SYBU: variants seen among roughly 807,000 people sequenced by gnomAD.
SYBU encodes syntabulin, also known as GOLSYN A protein.
Under a neutral mutation model 35.9 loss-of-function variants are expected in SYBU, and 21 were observed. The ratio of observed to expected loss-of-function variants is 0.58; its 90% CI spans 0.41 to 0.84. The LOEUF (loss-of-function observed/expected upper bound fraction) is 0.84. Among genes scored for constraint, SYBU ranks in the 40% least tolerant of loss-of-function variants. The pLI, the probability that SYBU is intolerant of heterozygous loss-of-function variation, is 0.00. For missense variants in SYBU, 768 were observed against 848.2 expected (o/e 0.91, Z 1.17); for synonymous variants, 319 against 324.3 (o/e 0.98, Z 0.18).
intron 1 of SYBU, among the ~76,000 whole-genome samples, chr8:109,651,433 G>A (rs962863194): frequency 4.0e-5 from 6 of 148,462 alleles, no homozygotes; most frequent in African/African-American, 1.5e-4. Context: ...GAGTCTCATA[G>A]GCCTGAAATT....
intron 2 of SYBU, among the ~76,000 whole-genome samples, chr8:109,638,705 AC>A (rs1195939667): frequency 6.6e-6 from 1 of 152,184 alleles, no homozygotes; most frequent in African/African-American, 2.4e-5. Context: ...GACCTCTAAT[AC>A]TGTATAAACT....
intron 2 of SYBU, among the ~76,000 whole-genome samples, chr8:109,632,370 A>C (rs1313602061): frequency 6.6e-6 from 1 of 152,192 alleles, no homozygotes; most frequent in Non-Finnish European, 1.5e-5. Context: ...TCTCTTGAAA[A>C]ACTTATAATA....
chr8:109,644,752 G>T lies in SYBU; in HGVS notation c.-93C>A. On this transcript the variant is annotated 5_prime_UTR_variant, in exon 1 of 7. Coordinates refer to ENST00000276646, the MANE Select transcript of SYBU (RefSeq NM_001099754.2). Reference sequence around the variant, plus strand: ...GGAGCGAGGAGACTGCGCTGAGCCGGCGCGGGCTGCGGGCGGCGGCTCTTG... The same window carrying T: ...GGAGCGAGGAGACTGCGCTGAGCCGTCGCGGGCTGCGGGCGGCGGCTCTTG... 3 of 1,231,178 alleles carry T rather than the reference G, an allele frequency of 2.4e-6. No homozygotes were observed. Among genetic ancestry groups the T allele is most frequent in the Non-Finnish European group, 3.1e-6 (3 of 956,678 alleles). The allele number at this position is 1,231,178 out of a possible 1,614,324, so 76.3% of individuals were successfully genotyped here. A position where few individuals can be genotyped will look rare whatever the true frequency, so the allele number is the denominator to read the frequency against.
intron 1 of SYBU, among the ~76,000 whole-genome samples, chr8:109,658,738 G>A (rs1276457374): frequency 6.6e-6 from 1 of 152,194 alleles, no homozygotes; most frequent in African/African-American, 2.4e-5. Context: ...CAGATCACCT[G>A]AGGTCAGGAG....
At chr8:109,623,936 G>C (rs1264319360) in intron 2 of SYBU, among the ~76,000 whole-genome samples, 1 of 152,126 alleles carries the variant, frequency 6.6e-6, no homozygotes, top group East Asian at 1.9e-4. Context: ...TGTGAATACA[G>C]TTTGCTTGCC....
chr8:109,583,110 A>G (rs1823226236), intron 4 of SYBU, among the ~76,000 whole-genome samples: 1 of 152,192 alleles, frequency 6.6e-6, no homozygotes, highest in South Asian at 2.1e-4. Context: ...AGCAGCAGCA[A>G]CAGCAACAGT....
At chr8:109,596,242 A>T (rs2129947313) in intron 3 of SYBU, among the ~76,000 whole-genome samples, 1 of 152,362 alleles carries the variant, frequency 6.6e-6, no homozygotes, top group Admixed American at 6.5e-5. Context: ...TGTATTTTTT[A>T]AAAGAGTCTC....
intron 5 of SYBU, among the ~76,000 whole-genome samples, chr8:109,579,585 A>T (rs907777461): frequency 1.3e-5 from 2 of 152,140 alleles, no homozygotes; most frequent in Non-Finnish European, 2.9e-5. Context: ...CTATTCAGGA[A>T]CTGCTTAGAT....
chr8:109,661,176 C>A (rs1175408531), intron 1 of SYBU, among the ~76,000 whole-genome samples: 1 of 152,204 alleles, frequency 6.6e-6, no homozygotes, highest in Non-Finnish European at 1.5e-5. Context: ...GCCCACTCAG[C>A]AAATGCTGGA....
At chr8:109,579,453 C>A (rs1031650853) in intron 5 of SYBU, among the ~76,000 whole-genome samples, 3 of 152,132 alleles carry the variant, frequency 2.0e-5, no homozygotes, top group African/African-American at 7.2e-5. Context: ...GAGATGGAGT[C>A]TTGCTCTGTT....
At chr8:109,675,557 G>T (rs1314681963) in intron 1 of SYBU, among the ~76,000 whole-genome samples, 16 of 152,088 alleles carry the variant, frequency 1.1e-4, no homozygotes, top group Admixed American at 1.0e-3. Context: ...ATAAATTCCT[G>T]GACACATACA....
chr8:109,643,790 C>T (rs561575265), intron 1 of SYBU: 11 of 321,914 alleles, frequency 3.4e-5, no homozygotes, highest in Non-Finnish European at 6.7e-5. Context: ...AATGAATGTC[C>T]CTATTTTCAG....
chr8:109,586,065 TGAA>T lies in SYBU; in HGVS notation c.522_524del (p.Ser175del), dbSNP rs779369474. ...GAGCAGGAGATGGTGCCTACTTGCG[TGAA>T]GAAGAAGACCGCTTGCTTCCCGCAG... is the stretch of plus-strand genomic sequence containing the variant. On this transcript the variant is annotated inframe_deletion, in exon 4 of 7. Coordinates refer to ENST00000276646, the MANE Select transcript of SYBU (RefSeq NM_001099754.2). The T allele has an allele frequency of 2.4e-5, 38 of 1,608,466 alleles. No individual in the cohort carries two copies. Among genetic ancestry groups the T allele is most frequent in the African/African-American group, 4.0e-5 (3 of 74,850 alleles).
intron 2 of SYBU, among the ~76,000 whole-genome samples, chr8:109,629,988 G>T (rs1225548305): frequency 6.6e-6 from 1 of 151,718 alleles, no homozygotes; most frequent in Non-Finnish European, 1.5e-5. Context: ...TTTTTGATGG[G>T]GTTGTTTGTT....
intron 2 of SYBU, among the ~76,000 whole-genome samples, chr8:109,636,928 A>G (rs1054145896): frequency 9.2e-5 from 14 of 152,326 alleles, no homozygotes; most frequent in African/African-American, 3.4e-4. Flanking sequence ...CTGTGGAGGC[A>G]TCATTCCACA....
rs749389370 is a variant in SYBU, at chr8:109,642,974, T to C, written c.25-42A>G. On this transcript the variant is annotated intron_variant, in intron 1 of 6. Coordinates refer to ENST00000276646, the MANE Select transcript of SYBU (RefSeq NM_001099754.2). Reference sequence around the variant, plus strand: ...AAAAAAGAAAACAAAAGGAAACGCGTTTCCCTCTCTTAACTCCTGTCGGTT... The same window carrying C: ...AAAAAAGAAAACAAAAGGAAACGCGCTTCCCTCTCTTAACTCCTGTCGGTT... The C allele has an allele frequency of 2.1e-6, 3 of 1,454,582 alleles. No individual in the cohort carries two copies. In the Admixed American group the frequency reaches 7.7e-5, roughly 38 times the overall value. 90.1% of individuals were successfully genotyped at this position (1,454,582 alleles called of 1,614,324 possible).
In SYBU at chr8:109,610,728, G is replaced by C. The variant is rs80154871; in HGVS notation, c.427+8114C>G. Among the ~76,000 whole-genome samples the C allele has an allele frequency of 5.1e-3, 771 of 152,306 alleles. 3 individuals carry two copies. Among genetic ancestry groups the C allele is most frequent in the African/African-American group, 0.018 (742 of 41,572 alleles). ...TCACCAAAATGCCATGCAACAGATTGTACCAGCAGACAGTGAGGTCCAGGT... is the reference window on the plus strand; with the variant it reads ...TCACCAAAATGCCATGCAACAGATTCTACCAGCAGACAGTGAGGTCCAGGT... On this transcript the variant is annotated intron_variant, in intron 3 of 6. Coordinates refer to ENST00000276646, the MANE Select transcript of SYBU (RefSeq NM_001099754.2).
At chr8:109,585,270 A>G (rs1563684811) in intron 4 of SYBU, among the ~76,000 whole-genome samples, 1 of 152,218 alleles carries the variant, frequency 6.6e-6, no homozygotes, top group Non-Finnish European at 1.5e-5. Context: ...CATGTCTCAT[A>G]GTCCTCTCCA....
At chr8:109,676,615 T>C (rs1206924326) in intron 1 of SYBU, among the ~76,000 whole-genome samples, 1 of 152,240 alleles carries the variant, frequency 6.6e-6, no homozygotes, top group Non-Finnish European at 1.5e-5. Flanking sequence ...CAACTTGGAA[T>C]CCAGGGTTTC....
Sources: gnomAD v4.1 joint callset for allele counts (sites outside exome capture counted in the v4.1 genomes callset) on GRCh38, gnomAD v4.1.1 for gene constraint, MANE v1.5 for transcripts, NCBI Gene and HGNC (gene_info 2026-07-23, HGNC 2026-07-21) for gene names.